CSMD2: variants seen among roughly 807,000 people sequenced by gnomAD.
CSMD2 encodes CUB and Sushi multiple domains 2, also known as CUB and sushi domain-containing protein 2.
Under a neutral mutation model 398.5 loss-of-function variants are expected in CSMD2, and 130 were observed. The ratio of observed to expected loss-of-function variants is 0.33; its 90% CI spans 0.28 to 0.38. The LOEUF (loss-of-function observed/expected upper bound fraction) is 0.38. Among genes scored for constraint, CSMD2 ranks in the 10% least tolerant of loss-of-function variants. CSMD2 has a pLI of 1.00. For missense variants in CSMD2, 3,829 were observed against 4,764.9 expected (o/e 0.80, Z 5.78); for synonymous variants, 1,828 against 1,908.5 (o/e 0.96, Z 1.10).
intron 15 of CSMD2, among the ~76,000 whole-genome samples, chr1:33,732,755 C>G (rs1312179826): frequency 6.6e-6 from 1 of 152,198 alleles, no homozygotes; most frequent in Non-Finnish European, 1.5e-5. Context: ...GACCCTGATG[C>G]TAAAGTTGTG....
At chr1:33,935,649 C>T (rs1644455005) in intron 4 of CSMD2, 111 bp downstream of exon 4, 2 of 1,169,172 alleles carry the variant, frequency 1.7e-6, no homozygotes, top group Admixed American at 2.9e-5. Context: ...TTGGGTACCC[C>T]CCTCCCTGCT....
chr1:33,543,397 C>T (rs562600096), intron 57 of CSMD2, among the ~76,000 whole-genome samples: 1 of 152,248 alleles, frequency 6.6e-6, no homozygotes, highest in Non-Finnish European at 1.5e-5. Context: ...ATTTTGCTAA[C>T]TGCATCAATG....
At chr1:34,134,066 A>G (rs1245200637) in intron 1 of CSMD2, among the ~76,000 whole-genome samples, 1 of 151,478 alleles carries the variant, frequency 6.6e-6, no homozygotes, top group Admixed American at 6.6e-5. Context: ...AAAAAAAAAA[A>G]AAAAAAAAAA....
intron 1 of CSMD2, among the ~76,000 whole-genome samples, chr1:34,096,805 A>G (rs1361858783): frequency 7.7e-5 from 9 of 116,972 alleles, no homozygotes; most frequent in East Asian, 2.5e-4. Flanking sequence ...ATGGGTAGGA[A>G]GAATCAATAT....
intron 5 of CSMD2, among the ~76,000 whole-genome samples, chr1:33,915,478 T>C (rs892030167): frequency 2.6e-5 from 4 of 152,226 alleles, no homozygotes; most frequent in Non-Finnish European, 5.9e-5. Flanking sequence ...TGTAATCTTA[T>C]AGCAAAGAGT....
At chr1:33,831,148 G>A (rs995420295) in intron 6 of CSMD2, among the ~76,000 whole-genome samples, 28 of 151,922 alleles carry the variant, frequency 1.8e-4, no homozygotes, top group Non-Finnish European at 3.4e-4. Context: ...TCAGATTCAG[G>A]AAATACAGAG....
chr1:33,606,059 T>A, intron 41 of CSMD2: 2 of 1,541,072 alleles, frequency 1.3e-6, no homozygotes, highest in Non-Finnish European at 1.7e-6. Context: ...ACAAAGCAAG[T>A]CCCTCCAAAG....
chr1:33,801,507 C>T (rs1474921659), intron 10 of CSMD2, among the ~76,000 whole-genome samples: 3 of 152,192 alleles, frequency 2.0e-5, no homozygotes, highest in Non-Finnish European at 2.9e-5. Flanking sequence ...AGAGGAGCTC[C>T]TCCTCCAACA....
intron 12 of CSMD2, 43 bp downstream of exon 12, chr1:33,788,557 G>T: frequency 2.9e-6 from 3 of 1,032,836 alleles, no homozygotes; most frequent in Non-Finnish European, 4.5e-6. Context: ...CCCCGTCTCT[G>T]ACTCCCAGGA....
intron 14 of CSMD2, among the ~76,000 whole-genome samples, chr1:33,741,480 G>A (rs550670934): frequency 2.0e-5 from 3 of 152,286 alleles, no homozygotes; most frequent in Admixed American, 1.3e-4. Flanking sequence ...GGTCTAGGAT[G>A]CGGCCCAGAT....
intron 3 of CSMD2, among the ~76,000 whole-genome samples, chr1:33,943,027 T>C (rs1215041011): frequency 1.3e-5 from 2 of 152,170 alleles, no homozygotes; most frequent in Non-Finnish European, 2.9e-5. Flanking sequence ...CATTCTAGAA[T>C]GACAAATTCA....
chr1:34,036,635 G>A (rs986465003), intron 2 of CSMD2, among the ~76,000 whole-genome samples: 1 of 152,178 alleles, frequency 6.6e-6, no homozygotes, highest in African/African-American at 2.4e-5. Flanking sequence ...GTGATAAAAT[G>A]ACACAGAAGT....
rs747478101 is a variant in CSMD2, at chr1:33,709,256, C to T, written c.3409G>A (p.Glu1137Lys). 2.4e-5 allele frequency: 38 copies of T among 1,612,592 alleles called. No homozygotes were observed. The highest frequency in any genetic ancestry group is 3.1e-5 in the Non-Finnish European group (36 of 1,179,288). The change falls in exon 22 of 71, where the codon GAG becomes AAG. Residue 1137 changes from glutamate (E) to lysine (K), a missense_variant and splice_region_variant. By Grantham distance (56) the Glu-to-Lys change is moderately conservative (BLOSUM62 1). Transcript: ENST00000373381. ...WSSPLPRCVA[E>K]CGNSVTGTQG... is the part of the protein sequence containing the mutation. ...GTGCCTGTGACTGAATTCCCACACT[C>T]AGCTGGAAAGAGAATCACAATAACC...
At chr1:34,091,309 G>A (rs1350775223) in intron 1 of CSMD2, among the ~76,000 whole-genome samples, 4 of 152,090 alleles carry the variant, frequency 2.6e-5, no homozygotes, top group Non-Finnish European at 4.4e-5. Flanking sequence ...TTTACTTAGT[G>A]TTTGGCTAGA....
At chr1:33,994,732 C>T (rs1257202398) in intron 3 of CSMD2, among the ~76,000 whole-genome samples, 2 of 152,166 alleles carry the variant, frequency 1.3e-5, no homozygotes, top group African/African-American at 4.8e-5. Context: ...GGAATCTAAT[C>T]TCATTGGCCT....
In CSMD2 at chr1:33,657,863, G is replaced by C. The variant is rs74066678; in HGVS notation, c.4447+83C>G. 1.6e-3 allele frequency: 2,213 copies of C among 1,341,280 alleles called. 21 individuals carry two copies. The African/African-American group carries it at 0.017, about 10-fold the overall frequency. 83.1% of individuals were successfully genotyped at this position (1,341,280 alleles called of 1,614,324 possible). A position where few individuals can be genotyped will look rare whatever the true frequency, so the allele number is the denominator to read the frequency against. ...TCAATTCTCTTGGCCCCAGGCCCAAGATGCAGCTGCTGTGCATGGAAGGTT... is the reference window on the plus strand; with the variant it reads ...TCAATTCTCTTGGCCCCAGGCCCAACATGCAGCTGCTGTGCATGGAAGGTT... On this transcript the variant is annotated intron_variant, in intron 27 of 70. Transcript: ENST00000373381.
At chr1:34,090,708 ACTC>A (rs1191344456) in intron 1 of CSMD2, among the ~76,000 whole-genome samples, 9 of 151,956 alleles carry the variant, frequency 5.9e-5, no homozygotes, top group African/African-American at 2.2e-4. Flanking sequence ...TGCCGTATTA[ACTC>A]CTAACTGGTC....
intron 41 of CSMD2, among the ~76,000 whole-genome samples, chr1:33,607,188 T>C (rs1640672334): frequency 1.3e-5 from 2 of 152,224 alleles, no homozygotes; most frequent in Admixed American, 6.5e-5. Flanking sequence ...GAAATTGTCA[T>C]GGAACACATT....
intron 26 of CSMD2, 115 bp downstream of exon 26, chr1:33,662,775 T>C: frequency 1.0e-6 from 1 of 952,514 alleles, no homozygotes; most frequent in Admixed American, 1.7e-5. Flanking sequence ...ACATAGCAGA[T>C]GTTCAATAAC....
Sources: allele counts gnomAD v4.1 joint callset (sites outside exome capture counted in the v4.1 genomes callset), GRCh38; gene constraint gnomAD v4.1.1; transcripts MANE v1.5; gene names NCBI Gene and HGNC (gene_info 2026-07-23, HGNC 2026-07-21).